Variants in SAXO1 observed in about 807,000 individuals in gnomAD.
The protein encoded by SAXO1 is 4930500O09Rik.
A neutral mutation model predicts 17.5 loss-of-function variants in SAXO1; 21 were observed. That is an observed-to-expected ratio of 1.20 (90% CI 0.85 to 1.72). The LOEUF (loss-of-function observed/expected upper bound fraction) is 1.72. SAXO1 is among the 40% of genes most tolerant of loss of function. The pLI, the probability that SAXO1 is intolerant of heterozygous loss-of-function variation, is 0.00. For synonymous variants in SAXO1, 274 were observed against 216.5 expected (o/e 1.27, Z -2.33); for missense variants, 843 against 596.0 (o/e 1.41, Z -4.32).
chr9:19,025,925 C>T (rs1349604517), intron 1 of SAXO1, among the ~76,000 whole-genome samples: 1 of 151,836 alleles, frequency 6.6e-6, no homozygotes, highest in Non-Finnish European at 1.5e-5. Flanking sequence ...TGGACCAGAG[C>T]CTTCATATTG....
intron 1 of SAXO1, among the ~76,000 whole-genome samples, chr9:18,954,287 G>A (rs1832156437): frequency 6.6e-6 from 1 of 151,980 alleles, no homozygotes. Flanking sequence ...TCTGTTAATT[G>A]TTAATAAATA....
intron 3 of SAXO1, among the ~76,000 whole-genome samples, chr9:18,932,889 G>A (rs1372958344): frequency 6.9e-6 from 1 of 144,028 alleles, no homozygotes; most frequent in East Asian, 2.0e-4. Context: ...CTGACATCTC[G>A]CTGAACTCAT....
rs373428528 is a variant in SAXO1 at position 19,014,978 on chromosome 9, C to T, written c.38+17893G>A. On this transcript the variant is annotated intron_variant, in intron 1 of 3. Transcript: ENST00000380534. The stretch of plus-strand genomic sequence containing the variant: ...AATACTTAAGGGGGTGGAGAGTAAA[C>T]GATCCTTTCCTGAGAAAGATGTAAG... Among the ~76,000 whole-genome samples, 9 of 152,172 alleles carry T rather than the reference C, an allele frequency of 5.9e-5. No individual in the cohort carries two copies. The East Asian group carries it at 7.7e-4, about 13-fold the overall frequency.
intron 1 of SAXO1, chr9:19,028,164 C>T: frequency 2.1e-6 from 3 of 1,412,218 alleles, no homozygotes; most frequent in Non-Finnish European, 3.0e-6. Context: ...GGACTCGCGG[C>T]TGAAGTGCGC....
chr9:19,030,714 A>T (rs1835725039), intron 1 of SAXO1, among the ~76,000 whole-genome samples: 1 of 152,120 alleles, frequency 6.6e-6, no homozygotes, highest in Non-Finnish European at 1.5e-5. Flanking sequence ...AAAAAATAAA[A>T]AAATAAGAAG....
chr9:19,040,023 A>G (rs1240927526), intron 1 of SAXO1, among the ~76,000 whole-genome samples: 4 of 151,984 alleles, frequency 2.6e-5, no homozygotes, highest in Non-Finnish European at 4.4e-5. Context: ...GCCACTGTAC[A>G]TGGCCTGGAA....
chr9:18,990,979 G>A (rs369810790), intron 1 of SAXO1, among the ~76,000 whole-genome samples: 47 of 152,192 alleles, frequency 3.1e-4, no homozygotes, highest in Admixed American at 1.2e-3. Flanking sequence ...TGCACAAGGC[G>A]GGGCATGGTG....
At chr9:18,980,181 T>C (rs187400415) in intron 1 of SAXO1, among the ~76,000 whole-genome samples, 1 of 152,118 alleles carries the variant, frequency 6.6e-6, no homozygotes, top group Admixed American at 6.6e-5. Flanking sequence ...GAAAACTGGG[T>C]TATTCTAGAG....
At chr9:19,003,362 T>A (rs1031946987) in intron 1 of SAXO1, among the ~76,000 whole-genome samples, 1 of 152,146 alleles carries the variant, frequency 6.6e-6, no homozygotes, top group African/African-American at 2.4e-5. Flanking sequence ...CAAGCTACCA[T>A]TGACTTTCTT....
intron 1 of SAXO1, among the ~76,000 whole-genome samples, chr9:18,965,875 CT>C (rs1237547287): frequency 1.3e-5 from 2 of 152,128 alleles, no homozygotes; most frequent in African/African-American, 2.4e-5. Context: ...TTTTGCGTGG[CT>C]GGTACCGTCT....
chr9:19,009,579 A>G (rs1834637063), intron 1 of SAXO1, among the ~76,000 whole-genome samples: 1 of 152,034 alleles, frequency 6.6e-6, no homozygotes, highest in South Asian at 2.1e-4. Context: ...ACAATTTGGT[A>G]TTTAAATCTG....
At chr9:18,965,396 T>C (rs1832674174) in intron 1 of SAXO1, among the ~76,000 whole-genome samples, 1 of 152,228 alleles carries the variant, frequency 6.6e-6, no homozygotes, top group African/African-American at 2.4e-5. Flanking sequence ...AGTCTCTTTG[T>C]AGGTCTCCTA....
intron 2 of SAXO1, among the ~76,000 whole-genome samples, chr9:18,949,361 G>A (rs1206233830): frequency 7.8e-6 from 1 of 128,838 alleles, no homozygotes; most frequent in Non-Finnish European, 1.8e-5. Flanking sequence ...GGAGACTGAG[G>A]GGCAAGGATC....
intron 1 of SAXO1, among the ~76,000 whole-genome samples, chr9:18,978,786 G>C (rs547181165): frequency 4.6e-5 from 7 of 152,328 alleles, no homozygotes; most frequent in Admixed American, 3.3e-4. Flanking sequence ...AGTCCTGTCA[G>C]AGAAGCTAAA....
intron 1 of SAXO1, among the ~76,000 whole-genome samples, chr9:18,961,797 T>C (rs1832497061): frequency 6.6e-6 from 1 of 152,216 alleles, no homozygotes; most frequent in Non-Finnish European, 1.5e-5. Flanking sequence ...TCAATAAACA[T>C]ACGTGTGCAT....
intron 1 of SAXO1, among the ~76,000 whole-genome samples, chr9:18,958,943 C>A (rs1476390300): frequency 6.6e-6 from 1 of 152,146 alleles, no homozygotes; most frequent in East Asian, 1.9e-4. Context: ...GGGGGAAAAA[C>A]TGACAAAAAG....
intron 1 of SAXO1, among the ~76,000 whole-genome samples, chr9:19,016,925 A>T (rs1246196653): frequency 6.6e-6 from 1 of 151,438 alleles, no homozygotes; most frequent in Non-Finnish European, 1.5e-5. Flanking sequence ...AAAAAGTGAG[A>T]CGCCCCTGAC....
At chr9:19,048,015 T>C (rs1270926313) in intron 1 of SAXO1, among the ~76,000 whole-genome samples, 1 of 152,220 alleles carries the variant, frequency 6.6e-6, no homozygotes, top group Non-Finnish European at 1.5e-5. Context: ...ACATACTATA[T>C]TGTATTATGG....
chr9:18,978,334 C>T (rs1833237112), intron 1 of SAXO1, among the ~76,000 whole-genome samples: 1 of 152,280 alleles, frequency 6.6e-6, no homozygotes, highest in East Asian at 1.9e-4. Context: ...TGTGAAACAG[C>T]AAACAGGACC....
Sources: gnomAD v4.1 joint callset for allele counts (sites outside exome capture counted in the v4.1 genomes callset) on GRCh38, gnomAD v4.1.1 for gene constraint, MANE v1.5 for transcripts, NCBI Gene and HGNC (gene_info 2026-07-23, HGNC 2026-07-21) for gene names.